Variants in HDAC9 observed in about 807,000 individuals in gnomAD.
The protein encoded by HDAC9 is MEF-2 interacting transcription repressor (MITR) protein.
In HDAC9, 41 loss-of-function variants were observed where a neutral mutation model predicts 139.4. The observed-to-expected ratio is 0.29, with a 90% CI of 0.23 to 0.38. HDAC9 has a LOEUF of 0.38. Ranked by LOEUF, HDAC9 falls within the 10% of genes least tolerant of loss-of-function variation. HDAC9 has a pLI of 1.00. For synonymous variants in HDAC9, 517 were observed against 476.2 expected, an observed-to-expected ratio of 1.09 and a Z score of -1.12; for missense variants, 1,147 against 1,297.0, an observed-to-expected ratio of 0.88 and a Z score of 1.78.
intron 2 of HDAC9, among the ~76,000 whole-genome samples, chr7:18,282,763 A>G (rs987476440): frequency 6.6e-6 from 1 of 152,066 alleles, no homozygotes; most frequent in African/African-American, 2.4e-5. Context: ...CACATGGTTG[A>G]TGTTGTAGTC....
intron 13 of HDAC9, among the ~76,000 whole-genome samples, chr7:18,747,142 A>T (rs1413249826): frequency 6.6e-6 from 1 of 152,182 alleles, no homozygotes; most frequent in African/African-American, 2.4e-5. Context: ...GAAATAGAGA[A>T]CAAAAGAGGG....
At chr7:18,745,578 C>G (rs1303157850) in intron 13 of HDAC9, among the ~76,000 whole-genome samples, 2 of 120,636 alleles carry the variant, frequency 1.7e-5, no homozygotes, top group Admixed American at 1.1e-4. Context: ...CTCGGTCTGT[C>G]GCCCAGGCCG....
chr7:18,295,226 G>C (rs887495689), intron 1 of HDAC9, among the ~76,000 whole-genome samples: 2 of 152,060 alleles, frequency 1.3e-5, no homozygotes, highest in Non-Finnish European at 2.9e-5. Context: ...CAGTAAAGGA[G>C]GTGGATAAGT....
chr7:18,339,944 C>T (rs982582933), intron 1 of HDAC9, among the ~76,000 whole-genome samples: 1 of 151,408 alleles, frequency 6.6e-6, no homozygotes, highest in Non-Finnish European at 1.5e-5. Context: ...CATATTCTTA[C>T]TGATTTTCTG....
chr7:18,924,103 T>C (rs1158277853), intron 22 of HDAC9, among the ~76,000 whole-genome samples: 3 of 151,482 alleles, frequency 2.0e-5, no homozygotes, highest in Non-Finnish European at 4.4e-5. Context: ...TCTGCCCTGA[T>C]GTTGGAGAAT....
intron 1 of HDAC9, among the ~76,000 whole-genome samples, chr7:18,322,266 C>T (rs1800087353): frequency 6.6e-6 from 1 of 152,162 alleles, no homozygotes; most frequent in Non-Finnish European, 1.5e-5. Flanking sequence ...ATTTGAATTA[C>T]TTGGCCTGTT....
chr7:18,469,448 G>T (rs768983172), intron 1 of HDAC9, among the ~76,000 whole-genome samples: 2 of 151,992 alleles, frequency 1.3e-5, no homozygotes, highest in Non-Finnish European at 2.9e-5. Context: ...GGAAACTGTG[G>T]GTTGACCTTG....
chr7:18,990,366 C>T lies in HDAC9; in HGVS notation c.3171-5657C>T, dbSNP rs541187869. ...CCTCCCAGTTAGGCTGCTCGTGGGT[C>T]AGGGGTCAGGGACCCACTTGAGGAG... On this transcript the variant is annotated intron_variant, in intron 25 of 25. Coordinates refer to ENST00000686413, the MANE Select transcript of HDAC9 (RefSeq NM_178425.4). Among the ~76,000 whole-genome samples, 149 of 152,306 alleles carry T rather than the reference C, an allele frequency of 9.8e-4. 1 individual carries two copies. In the Middle Eastern group the frequency reaches 0.017, roughly 17 times the overall value.
intron 17 of HDAC9, 140 bp from the exon 18 acceptor site, chr7:18,829,021 C>A (rs1795665344): frequency 5.9e-6 from 4 of 680,044 alleles, no homozygotes; most frequent in Non-Finnish European, 1.1e-5. Flanking sequence ...AATGGGGGAA[C>A]AAAAACAATC....
intron 2 of HDAC9, among the ~76,000 whole-genome samples, chr7:18,565,848 A>AT (rs35924732): frequency 0.07 from 10,160 of 146,032 alleles, 395 homozygotes; most frequent in East Asian, 0.096. Context: ...AATGTGGATA[A>AT]TTTTTTTTTT....
intron 17 of HDAC9, among the ~76,000 whole-genome samples, chr7:18,815,129 T>C (rs1468862343): frequency 1.3e-5 from 2 of 152,164 alleles, no homozygotes; most frequent in Non-Finnish European, 1.5e-5. Context: ...TGTGTTATGA[T>C]CTTCAAAAAG....
chr7:18,619,042 T>C (rs1037274990), intron 6 of HDAC9, among the ~76,000 whole-genome samples: 5 of 152,096 alleles, frequency 3.3e-5, no homozygotes, highest in African/African-American at 1.2e-4. Context: ...AAAATGATGC[T>C]AGATAGATTT....
chr7:18,333,052 A>G (rs1781317188), intron 1 of HDAC9, among the ~76,000 whole-genome samples: 1 of 151,594 alleles, frequency 6.6e-6, no homozygotes, highest in Non-Finnish European at 1.5e-5. Context: ...TTGTGTGCCA[A>G]AAGATACTCT....
intron 2 of HDAC9, among the ~76,000 whole-genome samples, chr7:18,237,342 A>G (rs1375141385): frequency 2.0e-5 from 3 of 152,234 alleles, no homozygotes; most frequent in East Asian, 1.9e-4. Flanking sequence ...ACCAACTGCA[A>G]TTTATTAAAG....
chr7:18,878,178 G>C (rs2129251426), intron 22 of HDAC9, among the ~76,000 whole-genome samples: 1 of 152,092 alleles, frequency 6.6e-6, no homozygotes, highest in Middle Eastern at 3.4e-3. Flanking sequence ...GCTTTATAGT[G>C]TTGTTAACAT....
chr7:18,600,896 G>A (rs1833763764), intron 6 of HDAC9, among the ~76,000 whole-genome samples: 1 of 152,044 alleles, frequency 6.6e-6, no homozygotes. Flanking sequence ...GCAATCTCCT[G>A]GGCTCAAGTG....
chr7:18,797,643 C>A (rs115603865), intron 17 of HDAC9, among the ~76,000 whole-genome samples: 1 of 151,918 alleles, frequency 6.6e-6, no homozygotes, highest in Non-Finnish European at 1.5e-5. Flanking sequence ...GCCTGGCCAA[C>A]GTGGCAAAAC....
chr7:18,360,078 C>T (rs185873105), intron 1 of HDAC9, among the ~76,000 whole-genome samples: 464 of 152,334 alleles, frequency 3.0e-3, no homozygotes, highest in African/African-American at 0.011. Flanking sequence ...TCACTTCTTG[C>T]TCTTCTGCTC....
At chr7:18,717,912 A>T (rs79551716) in intron 12 of HDAC9, among the ~76,000 whole-genome samples, 6,465 of 152,256 alleles carry the variant, frequency 0.042, 502 homozygotes, top group African/African-American at 0.15. Context: ...TAATTTTGAG[A>T]TAGTGGGATA....
Sources: gnomAD v4.1 joint callset for allele counts (sites outside exome capture counted in the v4.1 genomes callset) on GRCh38, gnomAD v4.1.1 for gene constraint, MANE v1.5 for transcripts, NCBI Gene and HGNC (gene_info 2026-07-23, HGNC 2026-07-21) for gene names.